KIAA1671: variants seen among roughly 807,000 people sequenced by gnomAD.
The protein encoded by KIAA1671 is uncharacterized protein KIAA1671.
A neutral mutation model predicts 131.2 loss-of-function variants in KIAA1671; 52 were observed. The ratio of observed to expected loss-of-function variants is 0.40; its 90% CI spans 0.32 to 0.50. The LOEUF is 0.50. Ranked by LOEUF, KIAA1671 falls within the 20% of genes least tolerant of loss-of-function variation. KIAA1671 has a pLI of 0.73. For missense variants in KIAA1671, 2,360 were observed against 2,364.2 expected (o/e 1.00, Z 0.04); for synonymous variants, 1,003 against 961.6 (o/e 1.04, Z -0.80).
intron 1 of KIAA1671, chr22:25,011,221 G>A (rs1378270901): frequency 6.6e-6 from 1 of 151,296 alleles, no homozygotes; most frequent in Non-Finnish European, 1.5e-5. Context: ...TCGGCTCACT[G>A]AGACGTCCGC....
intron 6 of KIAA1671, among the ~76,000 whole-genome samples, chr22:25,117,680 A>T (rs887777797): frequency 1.3e-5 from 2 of 151,522 alleles, no homozygotes; most frequent in Middle Eastern, 3.4e-3. Flanking sequence ...CAAGGAAAGG[A>T]TGTATAGAAC....
At chr22:24,958,486 C>T (rs1349285047) in intron 1 of KIAA1671, among the ~76,000 whole-genome samples, 1 of 151,604 alleles carries the variant, frequency 6.6e-6, no homozygotes, top group African/African-American at 2.4e-5. Context: ...CCCGTCTCTA[C>T]TAAAAATACA....
At chr22:25,045,555 A>G (rs1482710910) in intron 5 of KIAA1671, among the ~76,000 whole-genome samples, 1 of 152,216 alleles carries the variant, frequency 6.6e-6, no homozygotes, top group Non-Finnish European at 1.5e-5. Context: ...TAAGCTTTCT[A>G]TGGAAAACTA....
chr22:25,192,035 T>C (rs902189817), intron 12 of KIAA1671, among the ~76,000 whole-genome samples: 1 of 152,200 alleles, frequency 6.6e-6, no homozygotes, highest in African/African-American at 2.4e-5. Flanking sequence ...CTAAAAATTA[T>C]AAATTCCCAA....
chr22:25,185,352 C>T (rs1405519776), intron 11 of KIAA1671: 5 of 481,786 alleles, frequency 1.0e-5, no homozygotes, highest in Non-Finnish European at 1.8e-5. Context: ...CTCTTCCCCG[C>T]CCACTGCCAC....
intron 3 of KIAA1671, among the ~76,000 whole-genome samples, chr22:25,030,263 G>A (rs1011015053): frequency 2.6e-5 from 4 of 152,242 alleles, no homozygotes; most frequent in East Asian, 1.9e-4. Flanking sequence ...TAGGCCGGGC[G>A]CGGTGGCTCA....
At chr22:25,024,386 CG>C (rs1179161310) in intron 1 of KIAA1671, 3 of 152,278 alleles carry the variant, frequency 2.0e-5, no homozygotes, top group African/African-American at 7.2e-5. Flanking sequence ...TGCCTGCCCT[CG>C]GGGTGGAGCT....
chr22:25,121,205 G>A (rs949944439), intron 6 of KIAA1671, among the ~76,000 whole-genome samples: 1 of 152,186 alleles, frequency 6.6e-6, no homozygotes, highest in Non-Finnish European at 1.5e-5. Context: ...GCTCACGCCT[G>A]TAGTCCCAGC....
At chr22:25,020,411 A>G (rs944293549) in intron 1 of KIAA1671, among the ~76,000 whole-genome samples, 42 of 152,340 alleles carry the variant, frequency 2.8e-4, no homozygotes, top group African/African-American at 1.0e-3. Context: ...AGGACCAGGT[A>G]AGGAAATCCA....
At chr22:25,037,407 T>C (rs916190475) in intron 4 of KIAA1671, among the ~76,000 whole-genome samples, 1 of 151,638 alleles carries the variant, frequency 6.6e-6, no homozygotes, top group Non-Finnish European at 1.5e-5. Context: ...TATGTATATA[T>C]GTGTGTATAT....
intron 1 of KIAA1671, among the ~76,000 whole-genome samples, chr22:25,000,780 A>G (rs1924423098): frequency 6.6e-6 from 1 of 150,838 alleles, no homozygotes; most frequent in South Asian, 2.1e-4. Flanking sequence ...GGCCTCCGGA[A>G]GTGCAAGGAT....
At chr22:25,161,189 G>T (rs1211586428) in intron 6 of KIAA1671, among the ~76,000 whole-genome samples, 2 of 151,778 alleles carry the variant, frequency 1.3e-5, no homozygotes, top group African/African-American at 2.4e-5. Context: ...TATGTGCCAG[G>T]TACTGTAACT....
chr22:24,997,318 T>A (rs1213195102), intron 1 of KIAA1671, among the ~76,000 whole-genome samples: 1 of 152,124 alleles, frequency 6.6e-6, no homozygotes, highest in Non-Finnish European at 1.5e-5. Flanking sequence ...GCGCATTAGC[T>A]CTCACGAGTA....
chr22:25,056,659 C>T (rs1382842019), intron 6 of KIAA1671: 4 of 130,410 alleles, frequency 3.1e-5, no homozygotes, highest in Admixed American at 2.9e-4. Flanking sequence ...ACTAAAAATA[C>T]AAAAATTAGC....
chr22:25,037,382 G>GTGTATATA lies in KIAA1671; in HGVS notation c.1630-1358_1630-1351dup, dbSNP rs555338325. Among the ~76,000 whole-genome samples the GTGTATATA allele has an allele frequency of 2.2e-5, 3 of 136,580 alleles. No homozygotes were observed. The East Asian group carries it at 5.8e-4, about 26-fold the overall frequency. The allele number at this position is 136,580 out of a possible 152,430, so 89.6% of individuals were successfully genotyped here. On this transcript the variant is annotated intron_variant, in intron 4 of 12. Transcript: ENST00000358431. Reference sequence around the variant, plus strand: ...TATATATGTGTATATATGTATATATGTGTATATATGTATATATGTATATAT... The same window carrying GTGTATATA: ...TATATATGTGTATATATGTATATATGTGTATATATGTATATATGTATATATGTATATAT...
intron 12 of KIAA1671, among the ~76,000 whole-genome samples, chr22:25,192,115 A>G (rs900248594): frequency 1.3e-5 from 2 of 152,162 alleles, no homozygotes; most frequent in African/African-American, 4.8e-5. Context: ...GGTGCAGTAC[A>G]TGTAATATCT....
At chr22:25,063,576 G>A (rs993324825) in intron 6 of KIAA1671, 3 of 152,166 alleles carry the variant, frequency 2.0e-5, no homozygotes, top group Non-Finnish European at 4.4e-5. Context: ...TGGGAGGTGG[G>A]TGAGGGTTGA....
chr22:25,167,246 G>A lies in KIAA1671; in HGVS notation c.4531-3574G>A, dbSNP rs531583712. Among the ~76,000 whole-genome samples, 24 of 152,326 alleles carry A rather than the reference G, an allele frequency of 1.6e-4. No homozygotes were observed. In the South Asian group the frequency reaches 5.0e-3, roughly 32 times the overall value. ...CAGCTATCCCTATGTGCTGCCCGTA[G>A]GCTTGGAAGTTAGGCAGCCTCTTCC... is the stretch of plus-strand genomic sequence containing the variant. On this transcript the variant is annotated intron_variant, in intron 6 of 12. Coordinates refer to ENST00000358431, the MANE Select transcript of KIAA1671 (RefSeq NM_001145206.2).
At chr22:25,157,694 G>C (rs1395671953) in intron 6 of KIAA1671, among the ~76,000 whole-genome samples, 1 of 151,812 alleles carries the variant, frequency 6.6e-6, no homozygotes, top group South Asian at 2.1e-4. Flanking sequence ...CCTCTCCCCT[G>C]ATTATTTTGG....
Sources: allele counts gnomAD v4.1 joint callset (sites outside exome capture counted in the v4.1 genomes callset), GRCh38; gene constraint gnomAD v4.1.1; transcripts MANE v1.5; gene names NCBI Gene and HGNC (gene_info 2026-07-23, HGNC 2026-07-21).